Variants in FAM20A observed in about 807,000 individuals in gnomAD.
FAM20A encodes the protein pseudokinase FAM20A.
Under a neutral mutation model 52.0 loss-of-function variants are expected in FAM20A, and 42 were observed. That is an observed-to-expected ratio of 0.81 (90% CI 0.63 to 1.04). The LOEUF is 1.04. FAM20A is among the 50% of genes least tolerant of loss of function. The pLI, the probability that FAM20A is intolerant of heterozygous loss-of-function variation, is 0.00. For missense variants in FAM20A, 742 were observed against 712.7 expected (o/e 1.04, Z -0.47); for synonymous variants, 304 against 298.9 (o/e 1.02, Z -0.18).
chr17:68,535,804 G>A lies in FAM20A; in HGVS notation c.*1673C>T, dbSNP rs1215238440. 2 of 453,880 alleles carry A rather than the reference G, an allele frequency of 4.4e-6. No individual in the cohort carries two copies. Among genetic ancestry groups the A allele is most frequent in the East Asian group, 1.4e-4 (2 of 14,394 alleles). The allele number at this position is 453,880 out of a possible 1,614,324, so 28.1% of individuals were successfully genotyped here. On this transcript the variant is annotated 3_prime_UTR_variant, in exon 11 of 11. Transcript: ENST00000592554. ...GATTACAGGTGTGAGCCCATGCCCA[G>A]CTGATTTTTTTTTTAAGCAAACAAA...
chr17:68,566,599 A>G (rs2143774357), intron 1 of FAM20A, among the ~76,000 whole-genome samples: 1 of 152,330 alleles, frequency 6.6e-6, no homozygotes, highest in Admixed American at 6.5e-5. Flanking sequence ...GAAAACAGCA[A>G]AAGCGTTAGT....
chr17:68,543,595 TA>T (rs755138625), intron 5 of FAM20A, 33 bp downstream of exon 5: 1 of 1,592,038 alleles, frequency 6.3e-7, no homozygotes, highest in Non-Finnish European at 8.6e-7. Flanking sequence ...TTGGTCCTTA[TA>T]GGCAATGCCA....
At chr17:68,550,874 G>A (rs1051283553) in intron 4 of FAM20A, among the ~76,000 whole-genome samples, 2 of 152,234 alleles carry the variant, frequency 1.3e-5, no homozygotes, top group Admixed American at 1.3e-4. Context: ...TTTCGCCAAA[G>A]CAGTTGGGAC....
chr17:68,576,090 T>C (rs1317579847), intron 1 of FAM20A, among the ~76,000 whole-genome samples: 1 of 151,822 alleles, frequency 6.6e-6, no homozygotes, highest in African/African-American at 2.4e-5. Flanking sequence ...CCCATAAGAG[T>C]ACAAAAGCCC....
intron 5 of FAM20A, 46 bp downstream of exon 5, chr17:68,543,583 G>T: frequency 6.4e-7 from 1 of 1,553,092 alleles, no homozygotes; most frequent in Non-Finnish European, 8.9e-7. Flanking sequence ...CCTCCCAGAG[G>T]ATTGGTCCTT....
chr17:68,567,066 A>G (rs144592510), intron 1 of FAM20A, among the ~76,000 whole-genome samples: 15 of 152,010 alleles, frequency 9.9e-5, no homozygotes, highest in African/African-American at 3.4e-4. Flanking sequence ...CCTAGCTTCA[A>G]TGATCACTTG....
intron 1 of FAM20A, among the ~76,000 whole-genome samples, chr17:68,573,603 T>C (rs951137655): frequency 1.3e-5 from 2 of 150,874 alleles, no homozygotes; most frequent in African/African-American, 2.4e-5. Context: ...TTTCTTTCTC[T>C]CTCTTTTCTT....
chr17:68,540,962 A>G lies in FAM20A; in HGVS notation c.1110-4T>C, dbSNP rs1276115408. ...GTAAAGGGGATTGACCTCCCACCTG[A>G]GGGGGAGAAGAAGTCCTGGGGCTGG... On this transcript the variant is annotated splice_region_variant and splice_polypyrimidine_tract_variant and intron_variant, in intron 7 of 10. Transcript: ENST00000592554. 3 of 1,578,362 alleles carry G rather than the reference A, an allele frequency of 1.9e-6. No individual in the cohort carries two copies. The South Asian group carries it at 3.5e-5, about 18-fold the overall frequency.
At chr17:68,584,793 G>T (rs1045677632) in intron 1 of FAM20A, among the ~76,000 whole-genome samples, 1 of 152,134 alleles carries the variant, frequency 6.6e-6, no homozygotes, top group East Asian at 1.9e-4. Context: ...GAGCTGCTGC[G>T]GACCAACTGC....
At position 68,537,029 on chromosome 17, in the gene FAM20A, A is replaced by T. The variant is rs754267824; in HGVS notation, c.*448T>A. 2.2e-6 allele frequency: 1 copy of T among 455,786 alleles called. No individual in the cohort carries two copies. Among genetic ancestry groups the T allele is most frequent in the Non-Finnish European group, 4.4e-6 (1 of 228,030 alleles). 28.2% of individuals were successfully genotyped at this position (455,786 alleles called of 1,614,324 possible). A position where few individuals can be genotyped will look rare whatever the true frequency, so the allele number is the denominator to read the frequency against. On this transcript the variant is annotated 3_prime_UTR_variant, in exon 11 of 11. Coordinates refer to ENST00000592554, the MANE Select transcript of FAM20A (RefSeq NM_017565.4). This position sits in a 1 kb window ranked among gnomAD's most constrained non-coding sequence, Gnocchi z 4.2. Reference sequence around the variant, plus strand: ...TTGCCTGCGCTGGCCCAAAGTGCAGATTTTTAGTCAGCTTGTGATAGGCCA... The same window carrying T: ...TTGCCTGCGCTGGCCCAAAGTGCAGTTTTTTAGTCAGCTTGTGATAGGCCA...
At chr17:68,578,837 C>A (rs1206871322) in intron 1 of FAM20A, among the ~76,000 whole-genome samples, 3 of 23,654 alleles carry the variant, frequency 1.3e-4, no homozygotes, top group Non-Finnish European at 2.2e-4. Flanking sequence ...ACTAAAAATA[C>A]CAAAAAAAAA....
chr17:68,541,054 C>A (rs1015771780), intron 7 of FAM20A, 96 bp from the exon 8 acceptor site: 11 of 1,534,420 alleles, frequency 7.2e-6, no homozygotes, highest in Non-Finnish European at 9.7e-6. Context: ...ATCCCTGCCT[C>A]CCTGATCCTG....
chr17:68,581,350 T>TTTTCTTTCTTTCTTAC (rs2087943532), intron 1 of FAM20A, among the ~76,000 whole-genome samples: 7 of 92,278 alleles, frequency 7.6e-5, no homozygotes, highest in Admixed American at 2.5e-4. Flanking sequence ...GAAATGCAGT[T>TTTTCTTTCTTTCTTAC]TTTCTTTCTT....
chr17:68,585,017 G>T (rs1055037716), intron 1 of FAM20A, among the ~76,000 whole-genome samples: 3 of 152,212 alleles, frequency 2.0e-5, no homozygotes, highest in Admixed American at 1.3e-4. Flanking sequence ...GTAGGTGTTT[G>T]GTTACAGTCT....
chr17:68,554,249 GC>G (rs1384316137), intron 3 of FAM20A, among the ~76,000 whole-genome samples: 2 of 151,976 alleles, frequency 1.3e-5, no homozygotes, highest in African/African-American at 4.8e-5. Flanking sequence ...TCTTGCCTCA[GC>G]CTCCCACGCT....
Position 68,539,357 on chromosome 17 carries a change from C to A in FAM20A, c.1341G>T (p.Ser447=), listed in dbSNP as rs147490820. The A allele has an allele frequency of 1.3e-5, 21 of 1,614,020 alleles. No homozygotes were observed. Among genetic ancestry groups the A allele is most frequent in the Non-Finnish European group, 1.5e-5 (18 of 1,180,042 alleles). ...RHSHDEISIL[S]PLSQCCMIKK... ...CTTACATGCAGCACTGGGAGAGAGGCGAGAGGATGGAGATTTCATCATGGG... is the reference window on the plus strand; with the variant it reads ...CTTACATGCAGCACTGGGAGAGAGGAGAGAGGATGGAGATTTCATCATGGG... The change falls in exon 10 of 11, where the codon TCG becomes TCT. Residue 447 remains serine (S), a synonymous_variant. Transcript: ENST00000592554.
Position 68,550,954 on chromosome 17 carries a change from G to A in FAM20A, c.719+919C>T, listed in dbSNP as rs182139722. 6,189 of 735,052 alleles carry A rather than the reference G, an allele frequency of 8.4e-3. 306 individuals are homozygous for A. The African/African-American group carries it at 0.1, about 12-fold the overall frequency. The allele number at this position is 735,052 out of a possible 1,614,324, so 45.5% of individuals were successfully genotyped here. A position where few individuals can be genotyped will look rare whatever the true frequency, so the allele number is the denominator to read the frequency against. ...GAACCATCTACTGGGGCTCTCAATGGGCCTCCCCTTGAATGGCTGAAGGTT... is the reference window on the plus strand; with the variant it reads ...GAACCATCTACTGGGGCTCTCAATGAGCCTCCCCTTGAATGGCTGAAGGTT... On this transcript the variant is annotated intron_variant, in intron 4 of 10. Transcript: ENST00000592554.
At chr17:68,566,070 C>T (rs2087369214) in intron 1 of FAM20A, among the ~76,000 whole-genome samples, 1 of 152,186 alleles carries the variant, frequency 6.6e-6, no homozygotes. Flanking sequence ...CCTTCTTCTA[C>T]ACTTTCATCT....
At chr17:68,592,589 A>G (rs1483922098) in intron 1 of FAM20A, among the ~76,000 whole-genome samples, 2 of 152,236 alleles carry the variant, frequency 1.3e-5, no homozygotes, top group Non-Finnish European at 2.9e-5. Flanking sequence ...AGGGCTGAAC[A>G]GCGCTGTTTT....
Sources: allele counts gnomAD v4.1 joint callset (sites outside exome capture counted in the v4.1 genomes callset), GRCh38; gene constraint gnomAD v4.1.1; non-coding constraint Gnocchi (gnomAD v3.1); transcripts MANE v1.5; gene names NCBI Gene and HGNC (gene_info 2026-07-23, HGNC 2026-07-21).